KANSL1: variants seen among roughly 807,000 people sequenced by gnomAD.
KANSL1 encodes the protein KAT8 regulatory NSL complex subunit 1.
KANSL1 carries 22 observed loss-of-function variants against 103.6 expected under a neutral mutation model. The ratio of observed to expected loss-of-function variants is 0.21; its 90% CI spans 0.15 to 0.30. The LOEUF is 0.30. Among genes scored for constraint, KANSL1 ranks in the 10% least tolerant of loss-of-function variants. KANSL1 has a pLI of 1.00. For missense variants in KANSL1, 1,337 were observed against 1,399.8 expected, an observed-to-expected ratio of 0.96 and a Z score of 0.72; for synonymous variants, 600 against 527.6, an observed-to-expected ratio of 1.14 and a Z score of -1.88.
intron 7 of KANSL1, chr17:46,045,063 A>C (rs1399180866): frequency 6.6e-6 from 1 of 152,132 alleles, no homozygotes; most frequent in Non-Finnish European, 1.5e-5. Context: ...TCTTCTAGAG[A>C]AGAGGTTGTA....
chr17:46,171,786 G>C lies in KANSL1; in HGVS notation c.358C>G (p.Leu120Val), dbSNP rs757794963. The change falls in exon 2 of 15, where the codon CTC (leucine) becomes GTC (valine). Residue 120 changes from leucine (L) to valine (V), a missense_variant. By Grantham distance (32) the Leu-to-Val change is conservative. Transcript: ENST00000432791. ...SHPLLSQSYE[L>V]RAELLGRQPV... ...TGTCTCCCCAACAGCTCAGCTCGGAGTTCATAGGACTGAGATAAGAGAGGA... is the reference window on the plus strand; with the variant it reads ...TGTCTCCCCAACAGCTCAGCTCGGACTTCATAGGACTGAGATAAGAGAGGA... 6.2e-7 allele frequency: 1 copy of C among 1,612,068 alleles called. No homozygotes were observed. Among genetic ancestry groups the C allele is most frequent in the Non-Finnish European group, 8.5e-7 (1 of 1,178,928 alleles).
At chr17:46,106,564 T>C (rs1183748974) in intron 2 of KANSL1, among the ~76,000 whole-genome samples, 1 of 152,140 alleles carries the variant, frequency 6.6e-6, no homozygotes, top group East Asian at 1.9e-4. Context: ...GGCTAATTTT[T>C]GTATTTTTAG....
chr17:46,120,783 G>A (rs1165881820), intron 2 of KANSL1, among the ~76,000 whole-genome samples: 3 of 152,030 alleles, frequency 2.0e-5, no homozygotes, highest in Non-Finnish European at 4.4e-5. Flanking sequence ...ATCAAGGTTC[G>A]CTTTGTTTTG....
intron 2 of KANSL1, among the ~76,000 whole-genome samples, chr17:46,117,469 T>C (rs17577496): frequency 0.14 from 21,681 of 152,090 alleles, 2,123 homozygotes; most frequent in Non-Finnish European, 0.22. Flanking sequence ...CTTTTATGTA[T>C]GCAGTAAGCA....
rs35017603 is a variant in KANSL1 at position 46,130,187 on chromosome 17, CAAAAAAAAA to C, written c.1290-35495_1290-35487del. ...GGGCAAAAGAATGAGATCCTGTCTC[CAAAAAAAAA>C]AAAAAAAAAAAAGGAATCAACTAGG... On this transcript the variant is annotated intron_variant, in intron 2 of 14. Coordinates refer to ENST00000432791, the MANE Select transcript of KANSL1 (RefSeq NM_015443.4). Among the ~76,000 whole-genome samples, 13 of 75,470 alleles carry C rather than the reference CAAAAAAAAA, an allele frequency of 1.7e-4. 1 individual carries two copies. In the South Asian group the frequency reaches 2.6e-3, roughly 15 times the overall value. 49.5% of individuals were successfully genotyped at this position (75,470 alleles called of 152,430 possible). A position where few individuals can be genotyped will look rare whatever the true frequency, so the allele number is the denominator to read the frequency against.
At chr17:46,047,385 G>T (rs1246346664) in intron 7 of KANSL1, among the ~76,000 whole-genome samples, 1 of 152,180 alleles carries the variant, frequency 6.6e-6, no homozygotes. Flanking sequence ...TTCACATATT[G>T]TCTATGGCTG....
chr17:46,073,950 G>C (rs1361570079), intron 4 of KANSL1, among the ~76,000 whole-genome samples: 5 of 151,984 alleles, frequency 3.3e-5, no homozygotes, highest in Admixed American at 6.6e-5. Context: ...ATGAACTTAC[G>C]GTTTTTTATA....
rs146404120 is a variant in KANSL1, at chr17:46,114,277, T to C, written c.1290-19576A>G. On this transcript the variant is annotated intron_variant, in intron 2 of 14. Coordinates refer to ENST00000432791, the MANE Select transcript of KANSL1 (RefSeq NM_015443.4). ...GGGAGGCTGAGGCAGGAGAATCGCT[T>C]GAACCCAGGAGGCGGAGGTTGCAGT... 1.8e-3 allele frequency among the ~76,000 whole-genome samples: 276 copies of C among 152,254 alleles called. 2 individuals carry two copies. The highest frequency in any genetic ancestry group is 6.2e-3 in the African/African-American group (258 of 41,566).
chr17:46,137,707 A>C (rs1327653928), intron 2 of KANSL1, among the ~76,000 whole-genome samples: 1 of 152,042 alleles, frequency 6.6e-6, no homozygotes, highest in Non-Finnish European at 1.5e-5. Flanking sequence ...ACTAAAAAAA[A>C]ATACAAAAAA....
chr17:46,056,978 G>A (rs1194073736), intron 6 of KANSL1, among the ~76,000 whole-genome samples: 2 of 152,148 alleles, frequency 1.3e-5, no homozygotes, highest in African/African-American at 4.8e-5. Flanking sequence ...TGTCTCCTGT[G>A]AGGACAAAAT....
At chr17:46,217,018 G>A (rs1335660758) in intron 1 of KANSL1, among the ~76,000 whole-genome samples, 1 of 151,308 alleles carries the variant, frequency 6.6e-6, no homozygotes, top group Non-Finnish European at 1.5e-5. Context: ...GAGGTGGGAG[G>A]ATTACTTGAG....
intron 2 of KANSL1, among the ~76,000 whole-genome samples, chr17:46,161,686 T>C (rs919546483): frequency 6.6e-6 from 1 of 152,234 alleles, no homozygotes; most frequent in African/African-American, 2.4e-5. Flanking sequence ...CTTTTAGGCC[T>C]AAGTAAAACA....
intron 2 of KANSL1, among the ~76,000 whole-genome samples, chr17:46,120,566 T>C (rs117031378): frequency 3.7e-4 from 57 of 152,256 alleles, no homozygotes; most frequent in Non-Finnish European, 7.4e-4. Context: ...CCCCCAGAAA[T>C]GACCTCAACA....
chr17:46,100,709 G>A lies in KANSL1; in HGVS notation c.1290-6008C>T, dbSNP rs542936847. ...CCACATGTTGACTACCAGGCCTAGTGCCTCTAATTAAGTCACCTAATTCTA... is the reference window on the plus strand; with the variant it reads ...CCACATGTTGACTACCAGGCCTAGTACCTCTAATTAAGTCACCTAATTCTA... On this transcript the variant is annotated intron_variant, in intron 2 of 14. Transcript: ENST00000432791. Among the ~76,000 whole-genome samples the A allele has an allele frequency of 9.8e-5, 15 of 152,326 alleles. 1 individual carries two copies. The South Asian group carries it at 3.1e-3, about 32-fold the overall frequency.
At chr17:46,153,718 T>C (rs990137328) in intron 2 of KANSL1, among the ~76,000 whole-genome samples, 11 of 152,088 alleles carry the variant, frequency 7.2e-5, no homozygotes, top group African/African-American at 2.7e-4. Context: ...CCTCATTCCA[T>C]TACATTTGAA....
intron 2 of KANSL1, among the ~76,000 whole-genome samples, chr17:46,127,528 T>C (rs987767863): frequency 5.9e-5 from 9 of 152,170 alleles, no homozygotes; most frequent in African/African-American, 2.2e-4. Context: ...TCCCAACACT[T>C]TGGGAGGCCA....
rs760556301 is a variant in KANSL1, at chr17:46,109,136, T to TG, written c.1290-14436dup. Among the ~76,000 whole-genome samples, 35 of 152,246 alleles carry TG rather than the reference T, an allele frequency of 2.3e-4. No individual in the cohort carries two copies. In the South Asian group the frequency reaches 7.0e-3, roughly 31 times the overall value. ...AGCTAATTTTATTTTTTCATAGAAA[T>TG]GGAGCCTCACGATGTTGCCCAGGCT... On this transcript the variant is annotated intron_variant, in intron 2 of 14. Transcript: ENST00000432791.
chr17:46,194,028 C>G (rs552264624), upstream of KANSL1: 3 of 153,918 alleles, frequency 1.9e-5, no homozygotes, highest in Non-Finnish European at 2.9e-5. Flanking sequence ...GCCCCAGCAC[C>G]GCGCTCCGCA....
intron 2 of KANSL1, among the ~76,000 whole-genome samples, chr17:46,142,700 A>AT (rs1328684113): frequency 3.3e-5 from 5 of 152,274 alleles, no homozygotes; most frequent in Admixed American, 1.3e-4. Flanking sequence ...TAAAGATAGT[A>AT]TTTTTTATTT....
Sources: gnomAD v4.1 joint callset for allele counts (sites outside exome capture counted in the v4.1 genomes callset) on GRCh38, gnomAD v4.1.1 for gene constraint, MANE v1.5 for transcripts, NCBI Gene and HGNC (gene_info 2026-07-23, HGNC 2026-07-21) for gene names.